The following RBFOX1 variants were observed in gnomAD, a reference collection of about 807,000 sequenced individuals.
RBFOX1 encodes the protein RNA binding protein fox-1 homolog 1.
In RBFOX1, 8 loss-of-function variants were observed where a neutral mutation model predicts 57.7. The ratio of observed to expected loss-of-function variants is 0.14; its 90% CI spans 0.08 to 0.25. The LOEUF is 0.25. Ranked by LOEUF, RBFOX1 falls within the 10% of genes least tolerant of loss-of-function variation. RBFOX1 has a pLI of 1.00. For missense variants in RBFOX1, 611 were observed against 548.5 expected, an observed-to-expected ratio of 1.11 and a Z score of -1.14; for synonymous variants, 326 against 222.4, an observed-to-expected ratio of 1.47 and a Z score of -4.15.
intron 3 of RBFOX1, among the ~76,000 whole-genome samples, chr16:6,827,212 T>C (rs2092264827): frequency 6.6e-6 from 1 of 152,148 alleles, no homozygotes; most frequent in African/African-American, 2.4e-5. Flanking sequence ...GTTTTTTTTT[T>C]TCTTCAACTA....
At chr16:7,356,543 T>C (rs1410330918) in intron 4 of RBFOX1, among the ~76,000 whole-genome samples, 7 of 152,184 alleles carry the variant, frequency 4.6e-5, no homozygotes, top group South Asian at 4.2e-4. Context: ...GGGGGGCCGA[T>C]TGAGGCAGGG....
At chr16:6,202,248 C>G (rs543804653) in intron 1 of RBFOX1, among the ~76,000 whole-genome samples, 1 of 152,144 alleles carries the variant, frequency 6.6e-6, no homozygotes, top group Non-Finnish European at 1.5e-5. Flanking sequence ...CTCTACTGTT[C>G]TCTTATCTCA....
intron 2 of RBFOX1, among the ~76,000 whole-genome samples, chr16:5,508,559 C>A (rs539942964): frequency 6.6e-6 from 1 of 152,248 alleles, no homozygotes; most frequent in East Asian, 1.9e-4. Context: ...GAGTGCCACA[C>A]CCAAGATGGT....
intron 4 of RBFOX1, among the ~76,000 whole-genome samples, chr16:7,235,207 TAGAA>T (rs1170898953): frequency 4.6e-5 from 7 of 152,184 alleles, no homozygotes; most frequent in Admixed American, 4.6e-4. Flanking sequence ...TGACATTCCT[TAGAA>T]AGGAGAGAAT....
chr16:6,658,932 T>TTTTTTTG (rs1304100436), intron 3 of RBFOX1, among the ~76,000 whole-genome samples: 7 of 140,462 alleles, frequency 5.0e-5, no homozygotes, highest in East Asian at 4.8e-4. Flanking sequence ...TTTTTGGTTT[T>TTTTTTTG]TTTGTTTTTT....
At chr16:6,376,430 A>G (rs1336786780) in intron 2 of RBFOX1, among the ~76,000 whole-genome samples, 2 of 152,212 alleles carry the variant, frequency 1.3e-5, no homozygotes, top group African/African-American at 2.4e-5. Flanking sequence ...TAGCAGGGAC[A>G]TGATCCCTCT....
chr16:7,163,132 A>G (rs1465720454), intron 4 of RBFOX1, among the ~76,000 whole-genome samples: 1 of 152,150 alleles, frequency 6.6e-6, no homozygotes, highest in Non-Finnish European at 1.5e-5. Context: ...TCTGCAGCTC[A>G]ACACTTTTGA....
rs561459521 is a variant in RBFOX1 at position 5,818,264 on chromosome 16, G to A, written c.319-49039G>A. On this transcript the variant is annotated intron_variant, in intron 3 of 19. Coordinates refer to the RBFOX1 transcript ENST00000641259. ...TACCGTCATCAGTTTTGCATATGAG[G>A]CAATGGACTGACAGGGTGAAGACCA... Among the ~76,000 whole-genome samples the A allele has an allele frequency of 4.6e-5, 7 of 152,226 alleles. No individual in the cohort carries two copies. The South Asian group carries it at 1.0e-3, about 23-fold the overall frequency.
At chr16:6,421,167 A>G (rs566944367) in intron 2 of RBFOX1, among the ~76,000 whole-genome samples, 3 of 152,140 alleles carry the variant, frequency 2.0e-5, no homozygotes, top group Non-Finnish European at 4.4e-5. Context: ...TTCTTGATCC[A>G]ATTTCAGGAA....
rs1369139158 is a variant in RBFOX1, at chr16:5,485,255, A to G, written c.258+18001A>G. Among the ~76,000 whole-genome samples the G allele has an allele frequency of 2.7e-5, 4 of 148,582 alleles. No individual in the cohort carries two copies. The South Asian group carries it at 8.7e-4, about 32-fold the overall frequency. The stretch of plus-strand genomic sequence containing the variant: ...CAGCTACTCGGGAGGCTGAGGCAGG[A>G]GAATGGCGTGAACCCAGGAGGCGGA... On this transcript the variant is annotated intron_variant, in intron 2 of 2. Coordinates refer to the RBFOX1 transcript ENST00000585867.
chr16:7,320,883 C>A (rs962615345), intron 4 of RBFOX1, among the ~76,000 whole-genome samples: 4 of 152,292 alleles, frequency 2.6e-5, no homozygotes, highest in South Asian at 2.1e-4. Context: ...AATTGAGGTT[C>A]AGAAAGTTTA....
At chr16:7,452,219 C>A (rs1011909350) in intron 4 of RBFOX1, among the ~76,000 whole-genome samples, 2 of 152,142 alleles carry the variant, frequency 1.3e-5, no homozygotes, top group Non-Finnish European at 2.9e-5. Context: ...AAATGTCAGA[C>A]CTTTCAGCTG....
chr16:7,431,566 T>TA (rs981476470), intron 4 of RBFOX1, among the ~76,000 whole-genome samples: 6 of 152,298 alleles, frequency 3.9e-5, no homozygotes, highest in African/African-American at 1.4e-4. Flanking sequence ...CTTTTATTTT[T>TA]AAAAAATGCT....
At chr16:6,418,007 G>T (rs1267011599) in intron 2 of RBFOX1, among the ~76,000 whole-genome samples, 1 of 143,610 alleles carries the variant, frequency 7.0e-6, no homozygotes, top group Non-Finnish European at 1.5e-5. Context: ...GAATGATCAA[G>T]ATCAAATAAG....
intron 4 of RBFOX1, among the ~76,000 whole-genome samples, chr16:7,148,248 A>T (rs1316246265): frequency 6.6e-6 from 1 of 152,216 alleles, no homozygotes; most frequent in East Asian, 1.9e-4. Context: ...AAATGGAAGA[A>T]GTTTAAAGGC....
intron 1 of RBFOX1, among the ~76,000 whole-genome samples, chr16:5,328,854 G>T (rs953059066): frequency 3.9e-5 from 6 of 152,184 alleles, no homozygotes; most frequent in African/African-American, 1.4e-4. Context: ...CATGGCCCCA[G>T]ACAGGGAAAT....
intron 3 of RBFOX1, among the ~76,000 whole-genome samples, chr16:6,730,578 C>A (rs2068315634): frequency 6.6e-6 from 1 of 152,108 alleles, no homozygotes; most frequent in Non-Finnish European, 1.5e-5. Flanking sequence ...TATCTACAGT[C>A]CTGAAAAAGG....
At chr16:6,790,965 G>A (rs1160265534) in intron 3 of RBFOX1, among the ~76,000 whole-genome samples, 3 of 151,882 alleles carry the variant, frequency 2.0e-5, no homozygotes, top group Admixed American at 1.3e-4. Context: ...GAGTGCATTG[G>A]TATGATCTTG....
intron 3 of RBFOX1, among the ~76,000 whole-genome samples, chr16:6,919,414 A>C (rs1270406149): frequency 1.3e-5 from 2 of 151,152 alleles, no homozygotes; most frequent in African/African-American, 4.9e-5. Context: ...TAGACCAAAA[A>C]ATAAAATAAA....
Sources: allele counts gnomAD v4.1 joint callset (sites outside exome capture counted in the v4.1 genomes callset), GRCh38; gene constraint gnomAD v4.1.1; transcripts MANE v1.5; gene names NCBI Gene and HGNC (gene_info 2026-07-23, HGNC 2026-07-21).